The following USH2A variants were observed in gnomAD, a reference collection of about 807,000 sequenced individuals.
USH2A encodes the protein usherin, also known as Usher syndrome 2A (autosomal recessive, mild).
A neutral mutation model predicts 538.9 loss-of-function variants in USH2A; 443 were observed. The observed-to-expected ratio is 0.82, with a 90% CI of 0.76 to 0.89. The LOEUF is 0.89. Ranked by LOEUF, USH2A falls within the 40% of genes least tolerant of loss-of-function variation. The pLI, the probability that USH2A is intolerant of heterozygous loss-of-function variation, is 0.00. For synonymous variants in USH2A, 2,413 were observed against 2,273.5 expected, an observed-to-expected ratio of 1.06 and a Z score of -1.75; for missense variants, 6,633 against 6,324.8, an observed-to-expected ratio of 1.05 and a Z score of -1.65.
intron 32 of USH2A, among the ~76,000 whole-genome samples, chr1:216,010,352 C>T (rs1191602821): frequency 6.6e-6 from 1 of 152,168 alleles, no homozygotes; most frequent in African/African-American, 2.4e-5. Flanking sequence ...CACGTCCCAT[C>T]TGTGCCGGAC....
At chr1:215,770,941 C>CA (rs1661262603) in intron 55 of USH2A, among the ~76,000 whole-genome samples, 2 of 63,656 alleles carry the variant, frequency 3.1e-5, no homozygotes, top group African/African-American at 1.6e-4. Context: ...CCCGTCTCTA[C>CA]TAAAAAAAAA....
intron 44 of USH2A, among the ~76,000 whole-genome samples, chr1:215,850,317 G>T (rs1663982683): frequency 6.6e-6 from 1 of 152,048 alleles, no homozygotes; most frequent in African/African-American, 2.4e-5. Context: ...TTAAAATATA[G>T]TCGGAAGATA....
At chr1:215,944,348 A>G (rs1571834855) in intron 37 of USH2A, among the ~76,000 whole-genome samples, 1 of 152,206 alleles carries the variant, frequency 6.6e-6, no homozygotes, top group East Asian at 1.9e-4. Context: ...TAAACAATTA[A>G]AGAAGCTAAC....
chr1:215,955,259 A>G (rs1667033039), intron 37 of USH2A, among the ~76,000 whole-genome samples: 1 of 152,188 alleles, frequency 6.6e-6, no homozygotes, highest in Non-Finnish European at 1.5e-5. Context: ...ATAGTGATTA[A>G]GTTAGCATAG....
At chr1:216,022,603 G>C (rs781370293) in intron 32 of USH2A, among the ~76,000 whole-genome samples, 1 of 152,062 alleles carries the variant, frequency 6.6e-6, no homozygotes, top group Non-Finnish European at 1.5e-5. Context: ...TATTCTTTTA[G>C]GACTCACTTA....
chr1:215,640,801 A>T (rs1177018873), intron 67 of USH2A, 67 bp from the exon 68 acceptor site: 38 of 517,948 alleles, frequency 7.3e-5, no homozygotes, highest in Non-Finnish European at 7.4e-5. Flanking sequence ...TGTGCACTTT[A>T]AAAAAAAAAA....
chr1:215,715,108 T>G (rs1294530002), intron 61 of USH2A, among the ~76,000 whole-genome samples: 1 of 152,168 alleles, frequency 6.6e-6, no homozygotes, highest in African/African-American at 2.4e-5. Context: ...AAGCCCCACA[T>G]GCATTAGCTA....
intron 55 of USH2A, among the ~76,000 whole-genome samples, chr1:215,771,778 A>G (rs1177867874): frequency 6.6e-6 from 1 of 152,028 alleles, no homozygotes; most frequent in Non-Finnish European, 1.5e-5. Context: ...CTAGACTACA[A>G]GGAAGTTTTC....
intron 19 of USH2A, chr1:216,194,357 T>C (rs1360464682): frequency 6.6e-6 from 1 of 152,062 alleles, no homozygotes; most frequent in Admixed American, 6.6e-5. Flanking sequence ...TTACAAGGAC[T>C]ACTCTGGGGA....
intron 35 of USH2A, among the ~76,000 whole-genome samples, chr1:215,982,302 G>A (rs1193347715): frequency 6.6e-6 from 1 of 152,210 alleles, no homozygotes; most frequent in Non-Finnish European, 1.5e-5. Flanking sequence ...TAAGCACTGT[G>A]CACATAGAAG....
chr1:216,322,160 T>C (rs954871472), intron 8 of USH2A, among the ~76,000 whole-genome samples, 184 bp from the exon 9 acceptor site: 3 of 152,170 alleles, frequency 2.0e-5, no homozygotes, highest in African/African-American at 7.2e-5. Flanking sequence ...TATCTGGAAA[T>C]GTCAGAAGGA....
At chr1:215,989,063 C>T (rs1359105083) in intron 35 of USH2A, among the ~76,000 whole-genome samples, 2 of 152,194 alleles carry the variant, frequency 1.3e-5, no homozygotes, top group Non-Finnish European at 2.9e-5. Context: ...AAGGACTGGA[C>T]ATTTATATTA....
chr1:215,760,363 C>T (rs1253186092), intron 56 of USH2A, among the ~76,000 whole-genome samples: 1 of 152,014 alleles, frequency 6.6e-6, no homozygotes, highest in Non-Finnish European at 1.5e-5. Context: ...ATGCTCTGTT[C>T]TCTCTCTCCC....
chr1:215,633,816 A>G (rs948897679), intron 70 of USH2A, among the ~76,000 whole-genome samples: 3 of 152,054 alleles, frequency 2.0e-5, no homozygotes, highest in African/African-American at 4.8e-5. Flanking sequence ...TTACCCTTCA[A>G]TGAGTGCTCT....
At chr1:215,912,849 C>T (rs1425908157) in intron 38 of USH2A, among the ~76,000 whole-genome samples, 1 of 151,974 alleles carries the variant, frequency 6.6e-6, no homozygotes, top group Admixed American at 6.6e-5. Flanking sequence ...TTTTTCCCTT[C>T]TTTGTGTTCA....
chr1:216,199,257 G>T (rs2034926528), intron 17 of USH2A, among the ~76,000 whole-genome samples: 1 of 151,954 alleles, frequency 6.6e-6, no homozygotes, highest in Non-Finnish European at 1.5e-5. Context: ...TCTTTTTCTT[G>T]CTTAGAAGAG....
chr1:215,643,400 T>C (rs1656750234), intron 67 of USH2A, among the ~76,000 whole-genome samples: 1 of 152,186 alleles, frequency 6.6e-6, no homozygotes, highest in Admixed American at 6.5e-5. Flanking sequence ...ACCTGTATCA[T>C]AGTCATTTCT....
At chr1:215,890,698 G>A (rs990007264) in intron 40 of USH2A, among the ~76,000 whole-genome samples, 2 of 152,182 alleles carry the variant, frequency 1.3e-5, no homozygotes, top group Non-Finnish European at 2.9e-5. Flanking sequence ...TACAGTAGCA[G>A]TAGCAATTAT....
At chr1:215,837,590 T>G (rs1305060127) in intron 47 of USH2A, among the ~76,000 whole-genome samples, 1 of 152,192 alleles carries the variant, frequency 6.6e-6, no homozygotes, top group African/African-American at 2.4e-5. Flanking sequence ...CCTACTAATT[T>G]TACAGATTTC....
Sources: gnomAD v4.1 joint callset for allele counts (sites outside exome capture counted in the v4.1 genomes callset) on GRCh38, gnomAD v4.1.1 for gene constraint, MANE v1.5 for transcripts, NCBI Gene and HGNC (gene_info 2026-07-23, HGNC 2026-07-21) for gene names.